The following TRERF1 variants were observed in gnomAD, a reference collection of about 807,000 sequenced individuals.
TRERF1 encodes the protein transcriptional-regulating factor 1.
In TRERF1, 27 loss-of-function variants were observed where a neutral mutation model predicts 122.9. The observed-to-expected ratio is 0.22, with a 90% confidence interval of 0.16 to 0.30. TRERF1 has a LOEUF of 0.30. TRERF1 is among the 10% of genes least tolerant of loss of function. The pLI is 1.00. For synonymous variants in TRERF1, 636 were observed against 641.7 expected, an observed-to-expected ratio of 0.99 and a Z score of 0.13; for missense variants, 1,248 against 1,560.3, an observed-to-expected ratio of 0.80 and a Z score of 3.37.
At chr6:42,294,172 A>G (rs1784719798) in intron 4 of TRERF1, among the ~76,000 whole-genome samples, 1 of 142,866 alleles carries the variant, frequency 7.0e-6, no homozygotes, top group Non-Finnish European at 1.5e-5. Flanking sequence ...AGCTCTAGCT[A>G]TAATGTAATT....
At chr6:42,242,309 G>A (rs942403991) in intron 15 of TRERF1, among the ~76,000 whole-genome samples, 20 of 151,932 alleles carry the variant, frequency 1.3e-4, no homozygotes, top group African/African-American at 4.6e-4. Context: ...CATGAAAACT[G>A]CTGTTTCACT....
intron 2 of TRERF1, among the ~76,000 whole-genome samples, chr6:42,450,897 C>T (rs1349779299): frequency 6.6e-6 from 1 of 152,198 alleles, no homozygotes; most frequent in Non-Finnish European, 1.5e-5. Context: ...TTTATAACAT[C>T]ACAACCTCAA....
chr6:42,228,690 G>A lies in TRERF1; in HGVS notation c.3279-21C>T, dbSNP rs374902253. On this transcript the variant is annotated intron_variant, in intron 17 of 17. Coordinates refer to ENST00000372922, the Ensembl canonical transcript of TRERF1. This position sits in a 1 kb window ranked among gnomAD's most constrained non-coding sequence, Gnocchi z 4.2. ...AGACTCTAAAAATAAAGAAAGAGAG[G>A]TGTGTAGAATTTAGAAGGAGATCTG... The A allele has an allele frequency of 2.2e-4, 349 of 1,569,774 alleles. No homozygotes were observed. The highest frequency in any genetic ancestry group is 6.3e-4 in the Admixed American group (33 of 52,566).
chr6:42,379,967 G>A (rs909525042), intron 2 of TRERF1, among the ~76,000 whole-genome samples: 2 of 152,186 alleles, frequency 1.3e-5, no homozygotes, highest in East Asian at 1.9e-4. Flanking sequence ...CATGCCAGAC[G>A]GTGATAAAGG....
At chr6:42,360,771 T>C (rs626031) in intron 3 of TRERF1, among the ~76,000 whole-genome samples, 1 of 36,418 alleles carries the variant, frequency 2.7e-5, no homozygotes, top group Non-Finnish European at 5.1e-5. Flanking sequence ...GTGGAGAGAT[T>C]AAAAAAAAAA....
chr6:42,413,879 A>G (rs1453029398), intron 2 of TRERF1, among the ~76,000 whole-genome samples: 1 of 152,250 alleles, frequency 6.6e-6, no homozygotes, highest in Non-Finnish European at 1.5e-5. Flanking sequence ...ACAAGTAACA[A>G]GAATGTGAGC....
chr6:42,344,030 A>G (rs1767804228), intron 3 of TRERF1, among the ~76,000 whole-genome samples: 2 of 152,230 alleles, frequency 1.3e-5, no homozygotes, highest in African/African-American at 4.8e-5. Context: ...CAGAGCAGGC[A>G]GGAAGGCACT....
intron 3 of TRERF1, among the ~76,000 whole-genome samples, chr6:42,330,159 A>G (rs1583067831): frequency 6.6e-6 from 1 of 152,366 alleles, no homozygotes; most frequent in East Asian, 1.9e-4. Context: ...AAAATGGGTT[A>G]TAGGCAAGCC....
chr6:42,279,188 G>A (rs1055312296), intron 4 of TRERF1, among the ~76,000 whole-genome samples: 2 of 152,174 alleles, frequency 1.3e-5, no homozygotes. Flanking sequence ...GGCCCAGGAG[G>A]TGCAGTAGGC....
chr6:42,450,459 C>A (rs879791129), intron 2 of TRERF1, among the ~76,000 whole-genome samples: 1 of 152,250 alleles, frequency 6.6e-6, no homozygotes, highest in Non-Finnish European at 1.5e-5. Context: ...CTTGCCAAAG[C>A]TGCGTCTAGT....
intron 16 of TRERF1, among the ~76,000 whole-genome samples, chr6:42,233,628 C>T (rs1055389417): frequency 3.3e-5 from 5 of 151,982 alleles, no homozygotes; most frequent in Non-Finnish European, 5.9e-5. Flanking sequence ...CTTTTCCTCC[C>T]ATTTTTCTTC....
At chr6:42,406,458 G>T (rs1310403586) in intron 2 of TRERF1, among the ~76,000 whole-genome samples, 1 of 152,094 alleles carries the variant, frequency 6.6e-6, no homozygotes, top group African/African-American at 2.4e-5. Flanking sequence ...CTCTGTCCTG[G>T]ACCCAAGTCA....
chr6:42,444,778 C>T (rs554105966), intron 2 of TRERF1, among the ~76,000 whole-genome samples: 75 of 152,290 alleles, frequency 4.9e-4, no homozygotes, highest in Admixed American at 1.2e-3. Context: ...ACCTCTTTCC[C>T]TTGTGCACAT....
chr6:42,345,638 A>T, intron 3 of TRERF1, among the ~76,000 whole-genome samples: 1 of 152,222 alleles, frequency 6.6e-6, no homozygotes, highest in East Asian at 1.9e-4. Context: ...TGTTCCAGAA[A>T]ATGTAAAGCT....
chr6:42,322,564 C>T (rs1356056696), intron 3 of TRERF1, among the ~76,000 whole-genome samples: 1 of 152,070 alleles, frequency 6.6e-6, no homozygotes, highest in African/African-American at 2.4e-5. Flanking sequence ...CTAAGCTTGA[C>T]TCTCAGATAC....
At chr6:42,423,245 C>T (rs1783065479) in intron 2 of TRERF1, among the ~76,000 whole-genome samples, 1 of 152,240 alleles carries the variant, frequency 6.6e-6, no homozygotes, top group South Asian at 2.1e-4. Context: ...AGCTGGTTCT[C>T]TCATACAAAC....
rs1481749716 is a variant in TRERF1 at position 42,259,498 on chromosome 6, C to T, written c.2110G>A (p.Glu704Lys). 2.5e-6 allele frequency: 4 copies of T among 1,611,390 alleles called. No homozygotes were observed. Among genetic ancestry groups the T allele is most frequent in the Non-Finnish European group, 3.4e-6 (4 of 1,179,586 alleles). The change falls in exon 9 of 18, where the codon GAG becomes AAG. Residue 704 changes from glutamate to lysine, a missense_variant. By Grantham distance (56) the Glu-to-Lys change is moderately conservative. Around this residue, in one of 5 missense-constraint regions of TRERF1, gnomAD observed 946 missense variants for 1,073.0 expected, o/e 0.88. Transcript: ENST00000372922. This position sits in a 1 kb window ranked among gnomAD's most constrained non-coding sequence, Gnocchi z 4.9. The stretch of plus-strand genomic sequence containing the variant: ...GGTGGGGGCGTGTAAGGGGGCAGCT[C>T]GTGGGTGGGGTCCAGGAGCAGGTGG...
At chr6:42,404,824 TTTTC>T (rs1160187872) in intron 2 of TRERF1, among the ~76,000 whole-genome samples, 3 of 152,064 alleles carry the variant, frequency 2.0e-5, no homozygotes, top group South Asian at 4.2e-4. Flanking sequence ...TCACTTTGGG[TTTTC>T]TTTGTGTTCA....
chr6:42,334,190 T>G (rs1481072091), intron 3 of TRERF1, among the ~76,000 whole-genome samples: 1 of 152,002 alleles, frequency 6.6e-6, no homozygotes, highest in Non-Finnish European at 1.5e-5. Context: ...GGAAGGCAAG[T>G]GGGACCTGGC....
Sources: allele counts gnomAD v4.1 joint callset (sites outside exome capture counted in the v4.1 genomes callset), GRCh38; gene constraint gnomAD v4.1.1; regional missense constraint gnomAD v4.1.1; non-coding constraint Gnocchi (gnomAD v3.1); transcripts MANE v1.5; gene names NCBI Gene and HGNC (gene_info 2026-07-23, HGNC 2026-07-21).